The following IQGAP2 variants were observed in gnomAD, a reference collection of about 807,000 sequenced individuals.
IQGAP2 encodes ras GTPase-activating-like protein IQGAP2.
IQGAP2 carries 173 observed loss-of-function variants against 201.3 expected under a neutral mutation model. The ratio of observed to expected loss-of-function variants is 0.86; its 90% confidence interval spans 0.76 to 0.98. The LOEUF is 0.98. Ranked by LOEUF, IQGAP2 falls within the 50% of genes least tolerant of loss-of-function variation. The pLI is 0.00. For missense variants in IQGAP2, 1,687 were observed against 1,864.8 expected (o/e 0.90, Z 1.76); for synonymous variants, 675 against 673.9 (o/e 1.00, Z -0.03).
chr5:76,695,835 C>CTTTTTTTT lies in IQGAP2; in HGVS notation c.4206+185_4206+192dup, dbSNP rs56984768. Among the ~76,000 whole-genome samples, 181 of 83,092 alleles carry CTTTTTTTT rather than the reference C, an allele frequency of 2.2e-3. 1 individual carries two copies. The highest frequency in any genetic ancestry group is 2.4e-3 in the African/African-American group (46 of 19,530). The allele number at this position is 83,092 out of a possible 152,430, so 54.5% of individuals were successfully genotyped here. A position where few individuals can be genotyped will look rare whatever the true frequency, so the allele number is the denominator to read the frequency against. The stretch of plus-strand genomic sequence containing the variant: ...TTCAAGGTTTCAAAGCAGTTGATGA[C>CTTTTTTTT]TTTTTTTTTTTTTTTTTTTTTTTGA... On this transcript the variant is annotated intron_variant, in intron 32 of 35. Transcript: ENST00000274364.
intron 34 of IQGAP2, 42 bp from the exon 35 acceptor site, chr5:76,702,440 G>T (rs371698173): frequency 1.0e-5 from 9 of 903,742 alleles, no homozygotes; most frequent in East Asian, 2.4e-5. Flanking sequence ...AAGCACATCT[G>T]TATTTGTAAT....
intron 1 of IQGAP2, among the ~76,000 whole-genome samples, chr5:76,442,611 G>A (rs531406873): frequency 2.0e-5 from 3 of 152,300 alleles, no homozygotes; most frequent in South Asian, 2.1e-4. Context: ...TTCACCTAGA[G>A]TGCATGTAAA....
At chr5:76,682,389 C>T (rs1463836693) in intron 28 of IQGAP2, among the ~76,000 whole-genome samples, 2 of 151,510 alleles carry the variant, frequency 1.3e-5, no homozygotes, top group Non-Finnish European at 2.9e-5. Flanking sequence ...ATTAGAAATG[C>T]AAGCAAAAAC....
intron 18 of IQGAP2, among the ~76,000 whole-genome samples, chr5:76,653,075 G>C (rs1752646180): frequency 6.6e-6 from 1 of 152,152 alleles, no homozygotes; most frequent in East Asian, 1.9e-4. Context: ...AAGTGAAAGT[G>C]TTCTATAACC....
intron 2 of IQGAP2, among the ~76,000 whole-genome samples, chr5:76,464,979 A>G (rs1336844107): frequency 6.6e-6 from 1 of 152,214 alleles, no homozygotes; most frequent in African/African-American, 2.4e-5. Context: ...TCACAGTAGA[A>G]TTCTGCCAAA....
At chr5:76,595,768 A>AAGAGAGAGAGAGAGAGAGAGAGAG (rs142088212) in intron 9 of IQGAP2, among the ~76,000 whole-genome samples, 7 of 144,188 alleles carry the variant, frequency 4.9e-5, no homozygotes, top group African/African-American at 1.8e-4. Context: ...CAAAAAAAGA[A>AAGAGAGAGAGAGAGAGAGAGAGAG]AGAGAGAGAG....
chr5:76,483,280 T>C (rs913693748), intron 2 of IQGAP2, among the ~76,000 whole-genome samples: 18 of 152,310 alleles, frequency 1.2e-4, no homozygotes, highest in African/African-American at 4.1e-4. Flanking sequence ...TAAACAATAT[T>C]CTCAATACCA....
intron 3 of IQGAP2, among the ~76,000 whole-genome samples, chr5:76,570,240 C>T (rs1223984825): frequency 6.6e-6 from 1 of 152,092 alleles, no homozygotes; most frequent in East Asian, 1.9e-4. Context: ...ATCTGGACAC[C>T]ATGCATGTGT....
Position 76,631,855 on chromosome 5 carries a change from C to T in IQGAP2, c.1613-4C>T. 1 of 1,557,544 alleles carries T rather than the reference C, an allele frequency of 6.4e-7. No homozygotes were observed. Among genetic ancestry groups the T allele is most frequent in the Non-Finnish European group, 8.7e-7 (1 of 1,148,750 alleles). On this transcript the variant is annotated splice_polypyrimidine_tract_variant and splice_region_variant and intron_variant, in intron 14 of 35. Coordinates refer to ENST00000274364, the MANE Select transcript of IQGAP2 (RefSeq NM_006633.5). ...AACAAGAAACTTTTTTTTCAATTAC[C>T]CAGGGGTTACTCTGGTGGTTGATGT...
At chr5:76,649,591 T>C in intron 17 of IQGAP2, among the ~76,000 whole-genome samples, 1 of 152,246 alleles carries the variant, frequency 6.6e-6, no homozygotes, top group South Asian at 2.1e-4. Context: ...TGAAGCCTGC[T>C]TCATTCTCTG....
At chr5:76,622,974 T>C (rs1205397561) in intron 13 of IQGAP2, among the ~76,000 whole-genome samples, 1 of 152,210 alleles carries the variant, frequency 6.6e-6, no homozygotes, top group Non-Finnish European at 1.5e-5. Flanking sequence ...GAACACTTAG[T>C]CTATGACCAG....
At chr5:76,693,989 A>C (rs1240092936) in intron 31 of IQGAP2, 2 of 152,264 alleles carry the variant, frequency 1.3e-5, no homozygotes, top group African/African-American at 4.8e-5. Flanking sequence ...AATAAATTCA[A>C]GGTTGTTATT....
At chr5:76,509,759 A>G (rs1007031650) in intron 2 of IQGAP2, among the ~76,000 whole-genome samples, 55 of 152,116 alleles carry the variant, frequency 3.6e-4, no homozygotes, top group Non-Finnish European at 7.4e-5. Flanking sequence ...GAGATGGGTC[A>G]TAGGACAGAA....
rs770173068 is a variant in IQGAP2 at position 76,674,659 on chromosome 5, G to A, written c.3477G>A (p.Glu1159=). The A allele has an allele frequency of 8.7e-6, 14 of 1,614,112 alleles. No homozygotes were observed. In the East Asian group the frequency reaches 1.8e-4, roughly 21 times the overall value. Residue 1159 remains glutamate (E), a synonymous_variant, in exon 27 of 36, where the codon GAG becomes GAA. Coordinates refer to ENST00000274364, the MANE Select transcript of IQGAP2 (RefSeq NM_006633.5). ...ACAAGCTGTTTGAAGGAGAAAATGA[G>A]CATCTCTCATCTATGAACAATTATT... ...ASNKLFEGEN[E]HLSSMNNYLS...
chr5:76,481,282 C>G (rs185810308), intron 2 of IQGAP2, among the ~76,000 whole-genome samples: 2 of 152,084 alleles, frequency 1.3e-5, no homozygotes, highest in East Asian at 3.9e-4. Flanking sequence ...TTTCTACTAG[C>G]CACAGTAAAA....
At chr5:76,466,332 C>G (rs190263562) in intron 2 of IQGAP2, among the ~76,000 whole-genome samples, 9 of 152,188 alleles carry the variant, frequency 5.9e-5, no homozygotes, top group Admixed American at 5.2e-4. Context: ...AAGACCTTGT[C>G]TCAAAAACAA....
At chr5:76,465,903 A>G (rs1431262550) in intron 2 of IQGAP2, among the ~76,000 whole-genome samples, 1 of 152,242 alleles carries the variant, frequency 6.6e-6, no homozygotes, top group Admixed American at 6.5e-5. Flanking sequence ...AGACAGAAAG[A>G]CATCTCATGT....
intron 1 of IQGAP2, among the ~76,000 whole-genome samples, chr5:76,437,197 A>C (rs886924279): frequency 2.0e-5 from 3 of 151,574 alleles, no homozygotes; most frequent in African/African-American, 7.3e-5. Context: ...GATTACAGGC[A>C]CCCACCACCA....
chr5:76,479,216 C>T (rs1458153749), intron 2 of IQGAP2, among the ~76,000 whole-genome samples: 2 of 152,070 alleles, frequency 1.3e-5, no homozygotes, highest in Non-Finnish European at 2.9e-5. Context: ...TCAGGGAGCT[C>T]CCTGAGGAAG....
Sources: gnomAD v4.1 joint callset for allele counts (sites outside exome capture counted in the v4.1 genomes callset) on GRCh38, gnomAD v4.1.1 for gene constraint, MANE v1.5 for transcripts, NCBI Gene and HGNC (gene_info 2026-07-23, HGNC 2026-07-21) for gene names.